HPSE2: variants seen among roughly 807,000 people sequenced by gnomAD.
HPSE2 encodes inactive heparanase-2.
In HPSE2, 38 loss-of-function variants were observed where a neutral mutation model predicts 60.5. That is an observed-to-expected ratio of 0.63 (90% CI 0.48 to 0.82). The LOEUF (loss-of-function observed/expected upper bound fraction) is 0.82. HPSE2 is among the 40% of genes least tolerant of loss of function. The pLI is 0.00. For missense variants in HPSE2, 713 were observed against 740.4 expected, an observed-to-expected ratio of 0.96 and a Z score of 0.43; for synonymous variants, 295 against 293.2, an observed-to-expected ratio of 1.01 and a Z score of -0.06.
At chr10:98,631,311 G>A (rs967196201) in intron 7 of HPSE2, among the ~76,000 whole-genome samples, 1 of 152,168 alleles carries the variant, frequency 6.6e-6, no homozygotes, top group African/African-American at 2.4e-5. Context: ...TAAAGTCACT[G>A]GGGAGGCAAG....
chr10:98,803,895 C>T (rs1950978497), intron 3 of HPSE2, among the ~76,000 whole-genome samples: 1 of 151,956 alleles, frequency 6.6e-6, no homozygotes. Context: ...GGCAGTGAAT[C>T]TATAAATTAC....
At chr10:98,530,131 G>T (rs1194882406) in intron 9 of HPSE2, among the ~76,000 whole-genome samples, 2 of 152,240 alleles carry the variant, frequency 1.3e-5, no homozygotes, top group Middle Eastern at 6.8e-3. Context: ...TTTCCTTCTG[G>T]CTGCTTCATT....
chr10:99,076,283 C>G (rs777916046), intron 3 of HPSE2, among the ~76,000 whole-genome samples: 11 of 152,210 alleles, frequency 7.2e-5, no homozygotes, highest in Non-Finnish European at 1.3e-4. Flanking sequence ...CTGTTTTAAG[C>G]TGATAATGTA....
chr10:98,713,022 T>C (rs1350290847), intron 5 of HPSE2, among the ~76,000 whole-genome samples: 2 of 152,088 alleles, frequency 1.3e-5, no homozygotes, highest in Non-Finnish European at 2.9e-5. Context: ...TTAGTTTAGA[T>C]AGAGAATTAC....
At chr10:99,097,092 T>C (rs1843743956) in intron 3 of HPSE2, among the ~76,000 whole-genome samples, 1 of 152,186 alleles carries the variant, frequency 6.6e-6, no homozygotes, top group Non-Finnish European at 1.5e-5. Context: ...TCACTAGTTA[T>C]CAGCCAGTAT....
At chr10:98,690,494 C>T (rs1948050209) in intron 6 of HPSE2, among the ~76,000 whole-genome samples, 1 of 152,054 alleles carries the variant, frequency 6.6e-6, no homozygotes, top group African/African-American at 2.4e-5. Flanking sequence ...GAGCCAAGAT[C>T]GTGCCATTGC....
chr10:98,679,103 A>G (rs1044619997), intron 6 of HPSE2, among the ~76,000 whole-genome samples: 24 of 152,190 alleles, frequency 1.6e-4, no homozygotes, highest in African/African-American at 5.8e-4. Flanking sequence ...GAAGTCTAAA[A>G]GTTGCTGATT....
intron 3 of HPSE2, among the ~76,000 whole-genome samples, chr10:98,973,235 C>T (rs1046188352): frequency 2.0e-5 from 3 of 152,148 alleles, no homozygotes; most frequent in African/African-American, 7.2e-5. Context: ...TCCAAGAAAG[C>T]CATCAACAAA....
At chr10:98,465,583 T>C (rs532586029) in intron 11 of HPSE2, among the ~76,000 whole-genome samples, 46 of 152,344 alleles carry the variant, frequency 3.0e-4, no homozygotes, top group Non-Finnish European at 6.2e-4. Context: ...ATGTGGCTAA[T>C]AAGTGGCTAA....
intron 11 of HPSE2, chr10:98,461,700 T>A (rs1047660199): frequency 2.4e-6 from 3 of 1,235,456 alleles, no homozygotes; most frequent in Non-Finnish European, 3.5e-6. Flanking sequence ...ATCAGGTCTC[T>A]GCTAGAAAAC....
chr10:99,094,534 ATATATATTTTTTTTTT>A (rs1843639122), intron 3 of HPSE2, among the ~76,000 whole-genome samples: 1 of 17,774 alleles, frequency 5.6e-5, no homozygotes, highest in African/African-American at 1.4e-4. Context: ...ATATATATAT[ATATATATTTTTTTTTT>A]TTTTTTTTTT....
At chr10:98,557,814 T>C (rs949457044) in intron 9 of HPSE2, among the ~76,000 whole-genome samples, 1 of 152,096 alleles carries the variant, frequency 6.6e-6, no homozygotes, top group African/African-American at 2.4e-5. Context: ...GTGGGCATGG[T>C]GGCATGTTCC....
upstream of HPSE2, among the ~76,000 whole-genome samples, chr10:99,236,084 C>G (rs1392780740): frequency 2.0e-5 from 3 of 150,760 alleles, no homozygotes; most frequent in Non-Finnish European, 3.0e-5. Context: ...CAGCCTTCCC[C>G]GTGACTCTTG....
In HPSE2 at chr10:98,968,396, C is replaced by A. The variant is rs1955867548; in HGVS notation, c.610+175842G>T. Among the ~76,000 whole-genome samples, 4 of 152,066 alleles carry A rather than the reference C, an allele frequency of 2.6e-5. No homozygotes were observed. The South Asian group carries it at 8.3e-4, about 32-fold the overall frequency. ...GGTGAAAAGGGAACATTTTTAACTG[C>A]TGGTGGGAGTGTAAACTAGTATAAC... On this transcript the variant is annotated intron_variant, in intron 3 of 11. Transcript: ENST00000370552.
At chr10:99,159,771 C>T (rs561201633) in intron 2 of HPSE2, among the ~76,000 whole-genome samples, 1 of 152,152 alleles carries the variant, frequency 6.6e-6, no homozygotes, top group East Asian at 1.9e-4. Flanking sequence ...TTAGTTATGA[C>T]ACCAAAAGTA....
chr10:99,259,453 C>T, the HPSE2 span, among the ~76,000 whole-genome samples: 1 of 151,970 alleles, frequency 6.6e-6, no homozygotes, highest in African/African-American at 2.4e-5. Context: ...AACAAGCAAC[C>T]TAATAATAAA....
intron 3 of HPSE2, among the ~76,000 whole-genome samples, chr10:98,874,596 C>A (rs1451356597): frequency 6.6e-6 from 1 of 151,986 alleles, no homozygotes; most frequent in Non-Finnish European, 1.5e-5. Flanking sequence ...TCTGAATACT[C>A]TTTATTTCTT....
At chr10:98,857,910 G>GA (rs1952356649) in intron 3 of HPSE2, among the ~76,000 whole-genome samples, 1 of 152,012 alleles carries the variant, frequency 6.6e-6, no homozygotes, top group Non-Finnish European at 1.5e-5. Flanking sequence ...TTTTGAGTAG[G>GA]AAAAAATGTG....
At chr10:99,048,963 T>G (rs1218221024) in intron 3 of HPSE2, among the ~76,000 whole-genome samples, 1 of 152,058 alleles carries the variant, frequency 6.6e-6, no homozygotes, top group African/African-American at 2.4e-5. Context: ...TAATCCTAAG[T>G]GAACTAACAC....
Sources: gnomAD v4.1 joint callset for allele counts (sites outside exome capture counted in the v4.1 genomes callset) on GRCh38, gnomAD v4.1.1 for gene constraint, MANE v1.5 for transcripts, NCBI Gene and HGNC (gene_info 2026-07-23, HGNC 2026-07-21) for gene names.